The following SNTG1 variants were observed in gnomAD, a reference collection of about 807,000 sequenced individuals.
SNTG1 encodes gamma-1-syntrophin.
SNTG1 carries 39 observed loss-of-function variants against 74.7 expected under a neutral mutation model. The ratio of observed to expected loss-of-function variants is 0.52; its 90% CI spans 0.40 to 0.68. The LOEUF (loss-of-function observed/expected upper bound fraction) is 0.68, where lower values mean the gene tolerates loss of function less well. Ranked by LOEUF, SNTG1 falls within the 30% of genes least tolerant of loss-of-function variation. The probability of loss-of-function intolerance (pLI) is 0.00; values close to 1 mark genes in which losing one functional copy is unlikely to be tolerated. For missense variants in SNTG1, 685 were observed against 609.5 expected (o/e 1.12, Z -1.30); for synonymous variants, 254 against 217.1 (o/e 1.17, Z -1.49).
At chr8:50,109,288 G>A (rs920546615) in intron 1 of SNTG1, among the ~76,000 whole-genome samples, 2 of 152,154 alleles carry the variant, frequency 1.3e-5, no homozygotes, top group African/African-American at 4.8e-5. Context: ...AAATGTACAA[G>A]GATACAATTA....
intron 17 of SNTG1, among the ~76,000 whole-genome samples, chr8:50,742,198 A>G (rs1563799617): frequency 6.6e-6 from 1 of 152,028 alleles, no homozygotes; most frequent in Non-Finnish European, 1.5e-5. Context: ...TGCATGCCAT[A>G]TATTCAACCA....
intron 8 of SNTG1, among the ~76,000 whole-genome samples, chr8:50,455,355 T>C (rs1461097900): frequency 1.3e-5 from 2 of 152,222 alleles, no homozygotes; most frequent in Non-Finnish European, 2.9e-5. Context: ...GTTCATCTGC[T>C]TTTTGTTTCT....
intron 8 of SNTG1, among the ~76,000 whole-genome samples, chr8:50,460,289 G>T (rs1428846400): frequency 1.3e-5 from 2 of 152,106 alleles, no homozygotes; most frequent in Non-Finnish European, 2.9e-5. Flanking sequence ...CTTCTTTTGA[G>T]AAGTGTCTGT....
intron 1 of SNTG1, among the ~76,000 whole-genome samples, chr8:50,166,921 A>T (rs1270721233): frequency 6.6e-6 from 1 of 150,448 alleles, no homozygotes; most frequent in African/African-American, 2.5e-5. Flanking sequence ...GCAAATATAC[A>T]CCATGGAATA....
chr8:50,353,241 A>C (rs1167477431), intron 2 of SNTG1, among the ~76,000 whole-genome samples: 6 of 112,298 alleles, frequency 5.3e-5, no homozygotes, highest in African/African-American at 6.9e-5. Context: ...AACATCACAC[A>C]CTGGGGCCTG....
intron 2 of SNTG1, among the ~76,000 whole-genome samples, chr8:50,300,746 T>C (rs1243590152): frequency 6.6e-6 from 1 of 152,160 alleles, no homozygotes; most frequent in African/African-American, 2.4e-5. Context: ...ATTTTAGCAT[T>C]GGTTGTAAAG....
rs1488058861 is a variant in SNTG1, at chr8:50,484,194, TTCCTTCCTTCCTTC to T, written c.364-18583_364-18570del. On this transcript the variant is annotated intron_variant, in intron 8 of 18. Transcript: ENST00000642720. The stretch of plus-strand genomic sequence containing the variant: ...CTTCCTTCCTTCCTTCCTTCCTTCC[TTCCTTCCTTCCTTC>T]CTTCCTTCTTTCTTTCTTTTTTTTT... Among the ~76,000 whole-genome samples the T allele has an allele frequency of 5.5e-4, 72 of 131,498 alleles. 1 individual carries two copies. Among genetic ancestry groups the T allele is most frequent in the African/African-American group, 1.7e-3 (62 of 36,826 alleles). The allele number at this position is 131,498 out of a possible 152,430, so 86.3% of individuals were successfully genotyped here. A position where few individuals can be genotyped will look rare whatever the true frequency, so the allele number is the denominator to read the frequency against.
intron 1 of SNTG1, among the ~76,000 whole-genome samples, chr8:50,068,499 C>G (rs1318630818): frequency 6.6e-6 from 1 of 152,140 alleles, no homozygotes; most frequent in African/African-American, 2.4e-5. Flanking sequence ...TGGGCTTGCG[C>G]TGCGGGAGGT....
intron 2 of SNTG1, among the ~76,000 whole-genome samples, chr8:50,173,000 C>A (rs1329332367): frequency 1.3e-5 from 1 of 79,706 alleles, no homozygotes; most frequent in East Asian, 2.6e-4. Flanking sequence ...GGATCTGTGT[C>A]TCTTCATGAA....
chr8:50,021,389 T>C (rs1428909822), intron 1 of SNTG1, among the ~76,000 whole-genome samples: 3 of 152,216 alleles, frequency 2.0e-5, no homozygotes, highest in African/African-American at 7.2e-5. Flanking sequence ...TTGAAACTTC[T>C]CTTACTTTCT....
Position 50,578,734 on chromosome 8 carries a change from C to T in SNTG1, c.811-12145C>T, listed in dbSNP as rs531683122. Among the ~76,000 whole-genome samples the T allele has an allele frequency of 1.3e-3, 203 of 152,244 alleles. 1 individual carries two copies. The highest frequency in any genetic ancestry group is 4.2e-3 in the African/African-American group (176 of 41,540). ...TTGGCATTTCTCCTTGCTGCCGCCACGTAAAGAAGGATGTGTTTGCTTCCC... is the reference window on the plus strand; with the variant it reads ...TTGGCATTTCTCCTTGCTGCCGCCATGTAAAGAAGGATGTGTTTGCTTCCC... On this transcript the variant is annotated intron_variant, in intron 12 of 18. Coordinates refer to ENST00000642720, the MANE Select transcript of SNTG1 (RefSeq NM_018967.5).
At chr8:49,988,677 G>T (rs1169702357) in intron 1 of SNTG1, among the ~76,000 whole-genome samples, 1 of 152,018 alleles carries the variant, frequency 6.6e-6, no homozygotes, top group South Asian at 2.1e-4. Flanking sequence ...AATAACCAAT[G>T]TATGAATAAT....
chr8:50,143,295 C>G (rs1343429380), intron 1 of SNTG1, among the ~76,000 whole-genome samples: 3 of 152,036 alleles, frequency 2.0e-5, no homozygotes, highest in Non-Finnish European at 4.4e-5. Flanking sequence ...GTCTAGTTTT[C>G]AAGTTTTGCC....
At chr8:50,399,213 G>C (rs1046799655) in intron 3 of SNTG1, among the ~76,000 whole-genome samples, 7 of 8,596 alleles carry the variant, frequency 8.1e-4, no homozygotes, top group Non-Finnish European at 1.6e-3. Context: ...GTTTGTGAGT[G>C]TGTGTGTGTG....
At chr8:50,052,474 T>G (rs369189955) in intron 1 of SNTG1, among the ~76,000 whole-genome samples, 2 of 152,090 alleles carry the variant, frequency 1.3e-5, no homozygotes, top group African/African-American at 4.8e-5. Flanking sequence ...AACACTCTTA[T>G]AGGAAAATGT....
Position 50,416,879 on chromosome 8 carries a change from T to G in SNTG1, c.162+14535T>G, listed in dbSNP as rs577659760. 5.0e-4 allele frequency among the ~76,000 whole-genome samples: 76 copies of G among 152,072 alleles called. 1 individual carries two copies. In the East Asian group the frequency reaches 8.1e-3, roughly 16 times the overall value. On this transcript the variant is annotated intron_variant, in intron 4 of 18. Coordinates refer to ENST00000642720, the MANE Select transcript of SNTG1 (RefSeq NM_018967.5). ...GCAATGGAGTCAAGCAGATAGATAC[T>G]TGTTCTGTTCTATCCATAGCTTAAC...
intron 1 of SNTG1, among the ~76,000 whole-genome samples, chr8:49,957,305 T>A (rs1585655163): frequency 6.6e-6 from 1 of 152,348 alleles, no homozygotes; most frequent in East Asian, 1.9e-4. Context: ...TCCCCTGAGC[T>A]AATTTTAGCT....
chr8:50,399,829 G>T (rs1196306447), intron 3 of SNTG1, among the ~76,000 whole-genome samples: 1 of 152,056 alleles, frequency 6.6e-6, no homozygotes, highest in Admixed American at 6.5e-5. Flanking sequence ...AAAGATTTTT[G>T]TCCTCTAGAT....
intron 17 of SNTG1, among the ~76,000 whole-genome samples, chr8:50,750,372 T>G (rs1438989886): frequency 6.6e-6 from 1 of 152,048 alleles, no homozygotes; most frequent in Non-Finnish European, 1.5e-5. Context: ...GCTGTGAATA[T>G]TGTTGAAATG....
Sources: gnomAD v4.1 joint callset for allele counts (sites outside exome capture counted in the v4.1 genomes callset) on GRCh38, gnomAD v4.1.1 for gene constraint, MANE v1.5 for transcripts, NCBI Gene and HGNC (gene_info 2026-07-23, HGNC 2026-07-21) for gene names.